Variants in CTNNA3 observed in about 807,000 individuals in gnomAD.
CTNNA3 encodes catenin alpha 3.
Under a neutral mutation model 95.7 loss-of-function variants are expected in CTNNA3, and 76 were observed. The ratio of observed to expected loss-of-function variants is 0.79; its 90% CI spans 0.66 to 0.96. The LOEUF is 0.96. CTNNA3 is among the 40% of genes least tolerant of loss of function. CTNNA3 has a pLI of 0.00. For synonymous variants in CTNNA3, 431 were observed against 374.4 expected, an observed-to-expected ratio of 1.15 and a Z score of -1.74; for missense variants, 1,191 against 1,089.8, an observed-to-expected ratio of 1.09 and a Z score of -1.31.
chr10:66,832,279 C>T (rs1459112009), intron 7 of CTNNA3, among the ~76,000 whole-genome samples: 1 of 152,048 alleles, frequency 6.6e-6, no homozygotes, highest in African/African-American at 2.4e-5. Flanking sequence ...TAGACAGGGC[C>T]TTAATTTTTG....
intron 12 of CTNNA3, among the ~76,000 whole-genome samples, chr10:66,378,691 C>A (rs2092813042): frequency 6.6e-6 from 1 of 152,228 alleles, no homozygotes; most frequent in Non-Finnish European, 1.5e-5. Flanking sequence ...TGTGCAAGAA[C>A]AAATTGCTGT....
chr10:67,685,738 T>C (rs1311803465), intron 1 of CTNNA3, among the ~76,000 whole-genome samples: 1 of 152,208 alleles, frequency 6.6e-6, no homozygotes, highest in South Asian at 2.1e-4. Context: ...GGGTACACTG[T>C]TTTTTCTTTA....
At chr10:66,357,818 T>A (rs2092622940) in intron 12 of CTNNA3, among the ~76,000 whole-genome samples, 1 of 152,178 alleles carries the variant, frequency 6.6e-6, no homozygotes, top group Admixed American at 6.5e-5. Flanking sequence ...AGATAGGAAC[T>A]GAATTGCTGT....
At chr10:67,243,272 C>G (rs575405131) in intron 5 of CTNNA3, among the ~76,000 whole-genome samples, 2 of 152,106 alleles carry the variant, frequency 1.3e-5, no homozygotes, top group Non-Finnish European at 2.9e-5. Context: ...TCCAACCCCC[C>G]CAACCCCCAC....
chr10:66,379,501 C>T (rs2092820685), intron 11 of CTNNA3, 149 bp from the exon 12 acceptor site: 2 of 693,480 alleles, frequency 2.9e-6, no homozygotes, highest in Admixed American at 3.0e-5. Context: ...AAATTGGAGA[C>T]ATATTTTGCT....
intron 11 of CTNNA3, among the ~76,000 whole-genome samples, chr10:66,477,930 T>G (rs532402872): frequency 6.6e-6 from 1 of 152,134 alleles, no homozygotes; most frequent in South Asian, 2.1e-4. Flanking sequence ...AAACAAAAGG[T>G]AGTTAATTTT....
chr10:66,628,634 T>G (rs1845023347), intron 9 of CTNNA3, among the ~76,000 whole-genome samples: 1 of 152,122 alleles, frequency 6.6e-6, no homozygotes, highest in Non-Finnish European at 1.5e-5. Flanking sequence ...TTTCTGAATT[T>G]AGAAATAAAT....
intron 12 of CTNNA3, among the ~76,000 whole-genome samples, chr10:66,370,534 G>A (rs2092745979): frequency 6.6e-6 from 1 of 152,104 alleles, no homozygotes; most frequent in Non-Finnish European, 1.5e-5. Context: ...GCTCCTAACA[G>A]CTCTGGTGAG....
At chr10:66,476,966 T>C (rs1199371138) in intron 11 of CTNNA3, among the ~76,000 whole-genome samples, 1 of 152,136 alleles carries the variant, frequency 6.6e-6, no homozygotes, top group Non-Finnish European at 1.5e-5. Flanking sequence ...TCAAAATGTA[T>C]CCATTATTTA....
intron 17 of CTNNA3, among the ~76,000 whole-genome samples, chr10:65,936,260 A>C (rs1343455787): frequency 1.3e-5 from 2 of 152,140 alleles, no homozygotes; most frequent in Non-Finnish European, 2.9e-5. Context: ...ATCTGGTATT[A>C]ATGTAGTTAG....
At chr10:66,069,549 T>G in intron 14 of CTNNA3, 60 bp from the exon 15 acceptor site, 1 of 1,292,560 alleles carries the variant, frequency 7.7e-7, no homozygotes, top group Admixed American at 2.2e-5. Flanking sequence ...ATTTTAGGAA[T>G]AAGTAGATAT....
chr10:65,950,397 ATT>A (rs1267263784), intron 17 of CTNNA3, among the ~76,000 whole-genome samples: 1 of 145,782 alleles, frequency 6.9e-6, no homozygotes. Context: ...CAGCTACTTG[ATT>A]TTTTTTTTTG....
intron 7 of CTNNA3, among the ~76,000 whole-genome samples, chr10:66,911,520 T>C (rs947987966): frequency 4.6e-5 from 7 of 152,168 alleles, no homozygotes; most frequent in African/African-American, 1.2e-4. Flanking sequence ...TCAACTACTG[T>C]TTTTCACATT....
chr10:66,478,381 C>A (rs1220020316), intron 11 of CTNNA3, among the ~76,000 whole-genome samples: 3 of 151,910 alleles, frequency 2.0e-5, no homozygotes, highest in Non-Finnish European at 4.4e-5. Flanking sequence ...TTAATAAAAT[C>A]TTCAAGAATA....
chr10:66,628,612 G>A (rs763419445), intron 9 of CTNNA3, among the ~76,000 whole-genome samples: 2 of 152,156 alleles, frequency 1.3e-5, no homozygotes, highest in Non-Finnish European at 2.9e-5. Context: ...TGGCAAAGGA[G>A]ACTTGGGCTT....
chr10:66,698,392 A>G (rs147740954), intron 9 of CTNNA3, among the ~76,000 whole-genome samples: 1 of 152,154 alleles, frequency 6.6e-6, no homozygotes, highest in Non-Finnish European at 1.5e-5. Flanking sequence ...TCAATCTTAC[A>G]ATGTGTGTGC....
chr10:67,456,701 C>G (rs11813987), intron 5 of CTNNA3, among the ~76,000 whole-genome samples: 5,986 of 152,212 alleles, frequency 0.039, 171 homozygotes, highest in South Asian at 0.064. Context: ...CAGGCCCCAA[C>G]TTATAATCAA....
intron 10 of CTNNA3, among the ~76,000 whole-genome samples, chr10:66,602,843 A>T (rs1387467146): frequency 2.6e-5 from 4 of 152,000 alleles, no homozygotes; most frequent in Non-Finnish European, 4.4e-5. Flanking sequence ...AAGGACAAAA[A>T]CCCTATGATC....
At chr10:66,138,555 G>A (rs1368722301) in intron 13 of CTNNA3, among the ~76,000 whole-genome samples, 5 of 152,100 alleles carry the variant, frequency 3.3e-5, no homozygotes, top group East Asian at 3.9e-4. Context: ...TGGGCTGGGC[G>A]CAGTGGCTCA....
Sources: gnomAD v4.1 joint callset for allele counts (sites outside exome capture counted in the v4.1 genomes callset) on GRCh38, gnomAD v4.1.1 for gene constraint, MANE v1.5 for transcripts, NCBI Gene and HGNC (gene_info 2026-07-23, HGNC 2026-07-21) for gene names.